Variants in PCDHA7 observed in about 807,000 individuals in gnomAD.
PCDHA7 encodes protocadherin alpha 7.
In PCDHA7, 37 loss-of-function variants were observed where a neutral mutation model predicts 57.2. The observed-to-expected ratio is 0.65, with a 90% CI of 0.50 to 0.85. The LOEUF (loss-of-function observed/expected upper bound fraction) is 0.85. Ranked by LOEUF, PCDHA7 falls within the 40% of genes least tolerant of loss-of-function variation. The pLI, the probability that PCDHA7 is intolerant of heterozygous loss-of-function variation, is 0.00. For synonymous variants in PCDHA7, 553 were observed against 558.8 expected, an observed-to-expected ratio of 0.99 and a Z score of 0.15; for missense variants, 1,188 against 1,241.8, an observed-to-expected ratio of 0.96 and a Z score of 0.65.
Position 140,835,389 on chromosome 5 carries a change from G to T in PCDHA7, c.1006G>T (p.Val336Phe), listed in dbSNP as rs2150234834. 1.2e-6 allele frequency: 2 copies of T among 1,613,958 alleles called. No individual in the cohort carries two copies. Among genetic ancestry groups the T allele is most frequent in the Admixed American group, 1.7e-5 (1 of 60,018 alleles). Residue 336 changes from valine (V) to phenylalanine (F), a missense_variant, in exon 1 of 4, where the codon GTT becomes TTT. Coordinates refer to ENST00000525929, the MANE Select transcript of PCDHA7 (RefSeq NM_018910.3). ...CCCACCCCTGGCTGGTCATTGTACAGTTCTTGTGGAAGTTGTGGATGTAAA... is the reference window on the plus strand; with the variant it reads ...CCCACCCCTGGCTGGTCATTGTACATTTCTTGTGGAAGTTGTGGATGTAAA... ...GFPPLAGHCT[V>F]LVEVVDVNDN... is the part of the protein sequence containing the mutation.
chr5:140,969,314 G>A (rs200006206), intron 1 of PCDHA7: 2 of 1,614,032 alleles, frequency 1.2e-6, no homozygotes, highest in Non-Finnish European at 1.7e-6. Context: ...CAAAAATGAG[G>A]CTGTTTCTCA....
rs2150360711 is a variant in PCDHA7, at chr5:140,843,464, C to A, written c.2355+6726C>A. ...GGTATCCAGCCTGCTGGTGCTCACG[C>A]TGCTGCTGTACACTGCGCTGCGGTG... On this transcript the variant is annotated intron_variant, in intron 1 of 3. Transcript: ENST00000525929. The A allele has an allele frequency of 1.4e-5, 22 of 1,595,942 alleles. 2 individuals are homozygous for A. In the African/African-American group the frequency reaches 3.0e-4, roughly 21 times the overall value.
intron 3 of PCDHA7, among the ~76,000 whole-genome samples, chr5:140,992,185 C>G (rs1554252730): frequency 1.3e-5 from 2 of 152,102 alleles, no homozygotes; most frequent in African/African-American, 4.8e-5. Context: ...ATCATGCTTT[C>G]AGTGATCTAT....
At chr5:140,842,217 C>T (rs145025203) in intron 1 of PCDHA7, 1 of 1,613,264 alleles carries the variant, frequency 6.2e-7, no homozygotes, top group South Asian at 1.1e-5. Context: ...GATCGAAATA[C>T]GGGAGAAATA....
chr5:140,871,673 C>T (rs980419228), intron 1 of PCDHA7: 1 of 1,142,814 alleles, frequency 8.8e-7, no homozygotes, highest in East Asian at 2.6e-5. Flanking sequence ...GTCTTTTAAT[C>T]ATATGAATAA....
chr5:140,897,671 C>T (rs1329195952), intron 1 of PCDHA7, among the ~76,000 whole-genome samples: 1 of 152,066 alleles, frequency 6.6e-6, no homozygotes, highest in Non-Finnish European at 1.5e-5. Flanking sequence ...GTCTTTATAG[C>T]AGCATGATTT....
chr5:140,855,092 T>A (rs2043336220), intron 1 of PCDHA7, among the ~76,000 whole-genome samples: 1 of 149,960 alleles, frequency 6.7e-6, no homozygotes, highest in Admixed American at 6.7e-5. Context: ...TCTCAGCCTG[T>A]GCAGTAGCAA....
chr5:140,874,187 C>A (rs1554167080), intron 1 of PCDHA7, among the ~76,000 whole-genome samples: 1 of 152,168 alleles, frequency 6.6e-6, no homozygotes, highest in Non-Finnish European at 1.5e-5. Context: ...GTAAAGGTGT[C>A]ATATTTCAGT....
At chr5:140,856,911 T>A in intron 1 of PCDHA7, 2 of 1,595,928 alleles carry the variant, frequency 1.3e-6, no homozygotes, top group East Asian at 2.2e-5. Flanking sequence ...CCACCCACGA[T>A]AAGAAGGAAA....
At chr5:140,880,233 T>C (rs1040125802) in intron 1 of PCDHA7, among the ~76,000 whole-genome samples, 1 of 152,046 alleles carries the variant, frequency 6.6e-6, no homozygotes, top group African/African-American at 2.4e-5. Context: ...TTTAAATTAG[T>C]GTATGTGCGT....
rs2150374915 is a variant in PCDHA7 at position 140,844,901 on chromosome 5, G to T, written c.2355+8163G>T. 3.1e-4 allele frequency among the ~76,000 whole-genome samples: 47 copies of T among 149,514 alleles called. 3 individuals are homozygous for T. The highest frequency in any genetic ancestry group is 1.0e-3 in the African/African-American group (41 of 40,888). ...TAGACTTCGTGCATATTGCTTTGGA[G>T]AGAATGGTAGAAATTGATGGAAGGG... On this transcript the variant is annotated intron_variant, in intron 1 of 3. Coordinates refer to ENST00000525929, the MANE Select transcript of PCDHA7 (RefSeq NM_018910.3).
intron 1 of PCDHA7, chr5:140,854,759 A>G (rs2043218942): frequency 6.7e-6 from 1 of 149,714 alleles, no homozygotes. Context: ...TTACATTTTC[A>G]TTCCTGAATA....
At chr5:140,880,369 G>A (rs1055944264) in intron 1 of PCDHA7, among the ~76,000 whole-genome samples, 4 of 152,210 alleles carry the variant, frequency 2.6e-5, no homozygotes, top group African/African-American at 9.7e-5. Context: ...TGAAAACCAT[G>A]AGAGAATAGA....
intron 1 of PCDHA7, among the ~76,000 whole-genome samples, chr5:140,920,362 T>C (rs1167382464): frequency 6.6e-6 from 1 of 152,238 alleles, no homozygotes; most frequent in African/African-American, 2.4e-5. Context: ...GTTCTATTCA[T>C]TTATTCTTGT....
At chr5:140,837,003 A>T (rs1386958207) in intron 1 of PCDHA7, 2 of 326,856 alleles carry the variant, frequency 6.1e-6, no homozygotes, top group Admixed American at 8.8e-5. Flanking sequence ...AACTGGAGCA[A>T]TGGATTCACC....
chr5:140,950,711 T>C (rs1173209854), intron 1 of PCDHA7, among the ~76,000 whole-genome samples: 2 of 152,094 alleles, frequency 1.3e-5, no homozygotes, highest in African/African-American at 4.8e-5. Flanking sequence ...TTTTTGTTCC[T>C]TATATCCTTA....
At chr5:140,895,340 A>G (rs964651163) in intron 1 of PCDHA7, among the ~76,000 whole-genome samples, 1 of 151,822 alleles carries the variant, frequency 6.6e-6, no homozygotes, top group African/African-American at 2.4e-5. Context: ...TTGTTTTACT[A>G]TGCTTTCCAG....
Position 140,929,116 on chromosome 5 carries a change from A to G in PCDHA7, c.2356-49833A>G, listed in dbSNP as rs535394812. The G allele has an allele frequency of 2.9e-5, 47 of 1,614,170 alleles. No homozygotes were observed. The East Asian group carries it at 8.9e-4, about 31-fold the overall frequency. Reference sequence around the variant, plus strand: ...AAATCCTTGCATGACATCAGCCACCATAGATGTCACTACAGTTGAGAGACT... The same window carrying G: ...AAATCCTTGCATGACATCAGCCACCGTAGATGTCACTACAGTTGAGAGACT... On this transcript the variant is annotated intron_variant, in intron 1 of 3. Coordinates refer to ENST00000525929, the MANE Select transcript of PCDHA7 (RefSeq NM_018910.3).
In PCDHA7 at chr5:140,856,896, T is replaced by C. The variant is rs2044262669; in HGVS notation, c.2355+20158T>C. 1.3e-6 allele frequency: 2 copies of C among 1,596,700 alleles called. No homozygotes were observed. Among genetic ancestry groups the C allele is most frequent in the African/African-American group, 1.3e-5 (1 of 74,376 alleles). ...GAAATGATGTATTCATTTAGCTCTT[T>C]GGTCCCACCCACGATAAGAAGGAAA... is the stretch of plus-strand genomic sequence containing the variant. On this transcript the variant is annotated intron_variant, in intron 1 of 3. Transcript: ENST00000525929.
Sources: gnomAD v4.1 joint callset for allele counts (sites outside exome capture counted in the v4.1 genomes callset) on GRCh38, gnomAD v4.1.1 for gene constraint, MANE v1.5 for transcripts, NCBI Gene and HGNC (gene_info 2026-07-23, HGNC 2026-07-21) for gene names.